ADAMTS2: variants seen among roughly 807,000 people sequenced by gnomAD.
The protein encoded by ADAMTS2 is ADAM metallopeptidase with thrombospondin type 1 motif 2, also known as A disintegrin and metalloproteinase with thrombospondin motifs 2.
Under a neutral mutation model 123.0 loss-of-function variants are expected in ADAMTS2, and 50 were observed. The observed-to-expected ratio is 0.41, with a 90% confidence interval of 0.32 to 0.51. ADAMTS2 has a LOEUF of 0.51. Among genes scored for constraint, ADAMTS2 ranks in the 20% least tolerant of loss-of-function variants. ADAMTS2 has a pLI of 0.35. For synonymous variants in ADAMTS2, 678 were observed against 695.4 expected (o/e 0.98, Z 0.39); for missense variants, 1,494 against 1,705.2 (o/e 0.88, Z 2.18).
chr5:179,186,625 G>A (rs963970517), intron 4 of ADAMTS2, among the ~76,000 whole-genome samples: 6 of 152,344 alleles, frequency 3.9e-5, no homozygotes, highest in Non-Finnish European at 5.9e-5. Flanking sequence ...TGTAATTCCC[G>A]ACAAAACACT....
Position 179,207,601 on chromosome 5 carries a change from ATGT to A in ADAMTS2, c.800_802del (p.Asn267del). On this transcript the variant is annotated inframe_deletion, in exon 4 of 22. Coordinates refer to ENST00000251582, the MANE Select transcript of ADAMTS2 (RefSeq NM_014244.5). ...GTCATCCACGCCCAGCAGGACCTCG[ATGT>A]TGTAGTCATCGTCCGCAGCATGCCT... 6.2e-7 allele frequency: 1 copy of A among 1,613,756 alleles called. No homozygotes were observed. Among genetic ancestry groups the A allele is most frequent in the Non-Finnish European group, 8.5e-7 (1 of 1,180,000 alleles).
intron 10 of ADAMTS2, among the ~76,000 whole-genome samples, chr5:179,149,833 C>T (rs915078986): frequency 1.6e-4 from 25 of 152,164 alleles, no homozygotes; most frequent in Non-Finnish European, 2.6e-4. Flanking sequence ...TCCTCGGGAA[C>T]CAGGGGAGGC....
chr5:179,207,990 C>T lies in ADAMTS2; in HGVS notation c.689-275G>A, dbSNP rs1218736053. 2.6e-5 allele frequency among the ~76,000 whole-genome samples: 4 copies of T among 152,260 alleles called. No homozygotes were observed. The East Asian group carries it at 7.7e-4, about 29-fold the overall frequency. On this transcript the variant is annotated intron_variant, in intron 3 of 21. Coordinates refer to ENST00000251582, the MANE Select transcript of ADAMTS2 (RefSeq NM_014244.5). The stretch of plus-strand genomic sequence containing the variant: ...GCAACCCCAGCCACAGCAGGGGCCA[C>T]AGTGGCCTCCACACGATGGATCAGA...
intron 3 of ADAMTS2, among the ~76,000 whole-genome samples, chr5:179,236,675 C>A (rs1042044828): frequency 6.6e-6 from 1 of 152,158 alleles, no homozygotes; most frequent in Non-Finnish European, 1.5e-5. Context: ...CCTGCAGTCC[C>A]AGCTACTCGG....
chr5:179,226,915 C>T (rs1765304042), intron 3 of ADAMTS2, among the ~76,000 whole-genome samples: 1 of 152,206 alleles, frequency 6.6e-6, no homozygotes, highest in South Asian at 2.1e-4. Flanking sequence ...GATGGAATGC[C>T]TGAGCAGGAG....
At chr5:179,264,875 G>A (rs933409049) in intron 3 of ADAMTS2, among the ~76,000 whole-genome samples, 4 of 152,228 alleles carry the variant, frequency 2.6e-5, no homozygotes, top group East Asian at 1.9e-4. Flanking sequence ...ACAGCATGTC[G>A]GGTGGAGCTG....
rs569279867 is a variant in ADAMTS2, at chr5:179,215,161, A to C, written c.689-7446T>G. Among the ~76,000 whole-genome samples the C allele has an allele frequency of 1.7e-4, 26 of 152,366 alleles. No homozygotes were observed. The South Asian group carries it at 5.2e-3, about 30-fold the overall frequency. On this transcript the variant is annotated intron_variant, in intron 3 of 21. Transcript: ENST00000251582. ...TCAATGGAGCTGAATAAAACTTCCAAAAACAGGCTGGGTGCAGTGGCTCAC... is the reference window on the plus strand; with the variant it reads ...TCAATGGAGCTGAATAAAACTTCCACAAACAGGCTGGGTGCAGTGGCTCAC...
intron 2 of ADAMTS2, among the ~76,000 whole-genome samples, chr5:179,323,766 T>C (rs1201440750): frequency 6.6e-6 from 1 of 152,218 alleles, no homozygotes; most frequent in East Asian, 1.9e-4. Context: ...ACAACTTAAA[T>C]TATAGAGGCT....
At chr5:179,235,691 G>A (rs1006029020) in intron 3 of ADAMTS2, among the ~76,000 whole-genome samples, 2 of 152,212 alleles carry the variant, frequency 1.3e-5, no homozygotes, top group African/African-American at 2.4e-5. Context: ...GAGGGGAAGC[G>A]GGGTGGACCA....
intron 2 of ADAMTS2, among the ~76,000 whole-genome samples, chr5:179,328,550 C>T (rs978311521): frequency 1.3e-5 from 2 of 152,220 alleles, no homozygotes; most frequent in African/African-American, 4.8e-5. Context: ...TGGTTCGTGG[C>T]AGCTCTGCAC....
At chr5:179,257,978 T>C (rs553769717) in intron 3 of ADAMTS2, among the ~76,000 whole-genome samples, 73 of 152,318 alleles carry the variant, frequency 4.8e-4, no homozygotes, top group African/African-American at 1.7e-3. Context: ...CGTGTCTACC[T>C]GGGCCCAGTG....
rs1363173443 is a variant in ADAMTS2 at position 179,128,099 on chromosome 5, G to C, written c.2477C>G (p.Thr826Ser). The C allele has an allele frequency of 3.1e-6, 5 of 1,613,560 alleles. 1 individual carries two copies. The South Asian group carries it at 5.5e-5, about 18-fold the overall frequency. The stretch of plus-strand genomic sequence containing the variant: ...GTATTTGTACGTCAGTGAGACCCGG[G>C]TGTCTCCCACCGGGATGACCTGTGC... ...ITVLVIPVGD[T>S]RVSLTYKYMI... is the part of the protein sequence containing the mutation. Residue 826 changes from threonine to serine, a missense_variant, in exon 17 of 22, where the codon ACC becomes AGC. Physicochemically the swap from Thr to Ser is moderately conservative, Grantham distance 58. This residue lies in a region of ADAMTS2 where 953 missense variants were observed against 1,124.7 expected (regional missense o/e 0.85). Transcript: ENST00000251582. This position sits in a 1 kb window ranked among gnomAD's most constrained non-coding sequence, Gnocchi z 4.9.
intron 3 of ADAMTS2, among the ~76,000 whole-genome samples, chr5:179,224,912 C>T (rs553995175): frequency 5.3e-4 from 80 of 152,332 alleles, no homozygotes; most frequent in African/African-American, 1.9e-3. Flanking sequence ...GTATCCTCCT[C>T]CGTCTGGCCT....
rs1010030576 is a variant in ADAMTS2 at position 179,317,203 on chromosome 5, C to G, written c.534+26564G>C. ...AGGGCCACCTCTGAGCATCCTTTTC[C>G]TCAGCACTTTGGCGTCTTTCCTCCC... On this transcript the variant is annotated intron_variant, in intron 2 of 21. Transcript: ENST00000251582. This position sits in a 1 kb window ranked among gnomAD's most constrained non-coding sequence, Gnocchi z 4.9. Among the ~76,000 whole-genome samples, 3 of 152,166 alleles carry G rather than the reference C, an allele frequency of 2.0e-5. No homozygotes were observed. The highest frequency in any genetic ancestry group is 4.4e-5 in the Non-Finnish European group (3 of 68,044).
intron 2 of ADAMTS2, among the ~76,000 whole-genome samples, chr5:179,293,015 T>G (rs575760134): frequency 4.6e-5 from 7 of 152,296 alleles, no homozygotes; most frequent in African/African-American, 1.4e-4. Context: ...GGACATCCTC[T>G]GTTGTTGGGG....
In ADAMTS2 at chr5:179,345,096, A is replaced by G. The variant is rs887982636; in HGVS notation, c.139+94T>C. 1.5e-5 allele frequency: 14 copies of G among 955,318 alleles called. No homozygotes were observed. In the African/African-American group the frequency reaches 2.5e-4, roughly 17 times the overall value. 59.2% of individuals were successfully genotyped at this position (955,318 alleles called of 1,614,324 possible). ...GGGGCGCGCGGAGTTTGCCCAAGTC[A>G]GGCTGGACGACGCCTGGGGAGGGGG... On this transcript the variant is annotated intron_variant, in intron 1 of 21. Coordinates refer to ENST00000251582, the MANE Select transcript of ADAMTS2 (RefSeq NM_014244.5). The surrounding 1 kb of genome is among the most constrained non-coding windows in gnomAD (Gnocchi z 7.5).
rs1756937104 is a variant in ADAMTS2 at position 179,314,751 on chromosome 5, G to A, written c.534+29016C>T. ...CTTCCTGCACCCAGGTGGGGCTCCT[G>A]TCCCCCGCCAGTGCCCCCAACCTCT... On this transcript the variant is annotated intron_variant, in intron 2 of 21. Transcript: ENST00000251582. This position sits in a 1 kb window ranked among gnomAD's most constrained non-coding sequence, Gnocchi z 4.5. Among the ~76,000 whole-genome samples, 1 of 152,046 alleles carries A rather than the reference G, an allele frequency of 6.6e-6. No homozygotes were observed. The highest frequency in any genetic ancestry group is 6.6e-5 in the Admixed American group (1 of 15,266).
At chr5:179,278,274 G>A (rs1292330774) in intron 2 of ADAMTS2, among the ~76,000 whole-genome samples, 3 of 150,990 alleles carry the variant, frequency 2.0e-5, no homozygotes, top group Non-Finnish European at 4.4e-5. Context: ...AAGAAGTGGA[G>A]ATCATTTTAT....
intron 3 of ADAMTS2, among the ~76,000 whole-genome samples, chr5:179,258,263 C>T (rs1187289449): frequency 6.6e-6 from 1 of 152,064 alleles, no homozygotes; most frequent in Admixed American, 6.5e-5. Context: ...CCTGACCCCC[C>T]CAGACCGCCC....
Sources: allele counts gnomAD v4.1 joint callset (sites outside exome capture counted in the v4.1 genomes callset), GRCh38; gene constraint gnomAD v4.1.1; regional missense constraint gnomAD v4.1.1; non-coding constraint Gnocchi (gnomAD v3.1); transcripts MANE v1.5; gene names NCBI Gene and HGNC (gene_info 2026-07-23, HGNC 2026-07-21).